Variants in CATSPERE observed in about 807,000 individuals in gnomAD.
The protein encoded by CATSPERE is catsper channel auxiliary subunit epsilon.
Under a neutral mutation model 114.1 loss-of-function variants are expected in CATSPERE, and 93 were observed. The ratio of observed to expected loss-of-function variants is 0.81; its 90% CI spans 0.69 to 0.97. The LOEUF is 0.97. CATSPERE is among the 50% of genes least tolerant of loss of function. The pLI, the probability that CATSPERE is intolerant of heterozygous loss-of-function variation, is 0.00. For synonymous variants in CATSPERE, 341 were observed against 384.1 expected (o/e 0.89, Z 1.31); for missense variants, 1,058 against 1,131.6 (o/e 0.93, Z 0.93).
At chr1:244,455,917 G>T (rs929766878) in intron 1 of CATSPERE, among the ~76,000 whole-genome samples, 2 of 152,194 alleles carry the variant, frequency 1.3e-5, no homozygotes, top group Admixed American at 6.5e-5. Flanking sequence ...AGTTTTAGGG[G>T]CATCAGAAAT....
At chr1:244,508,223 A>G (rs931540842) in intron 7 of CATSPERE, among the ~76,000 whole-genome samples, 4 of 149,978 alleles carry the variant, frequency 2.7e-5, no homozygotes, top group South Asian at 2.1e-4. Context: ...TTTTGTAACT[A>G]TTGTAAATGG....
chr1:244,541,436 G>A (rs1281314761), intron 8 of CATSPERE, among the ~76,000 whole-genome samples: 1 of 150,268 alleles, frequency 6.7e-6, no homozygotes. Context: ...TCAGAGAAAT[G>A]CAAATCAAAA....
chr1:244,630,057 C>T (rs1246302328), intron 20 of CATSPERE, among the ~76,000 whole-genome samples: 1 of 152,164 alleles, frequency 6.6e-6, no homozygotes, highest in Non-Finnish European at 1.5e-5. Context: ...TGAAAACAAA[C>T]TCCATGACAG....
At chr1:244,601,735 T>C (rs1669246574) in intron 17 of CATSPERE, among the ~76,000 whole-genome samples, 1 of 152,012 alleles carries the variant, frequency 6.6e-6, no homozygotes, top group Non-Finnish European at 1.5e-5. Flanking sequence ...GGCGGATCAC[T>C]TGAGGTCAGG....
At chr1:244,615,093 C>G (rs1179609145) in intron 19 of CATSPERE, among the ~76,000 whole-genome samples, 2 of 151,948 alleles carry the variant, frequency 1.3e-5, no homozygotes, top group Non-Finnish European at 2.9e-5. Context: ...CGCCACCACC[C>G]CAGCTATGTC....
chr1:244,459,837 A>G (rs1324103554), upstream of CATSPERE, among the ~76,000 whole-genome samples: 1 of 152,056 alleles, frequency 6.6e-6, no homozygotes, highest in African/African-American at 2.4e-5. Context: ...TTGCCATGCA[A>G]CTCTTGGAAA....
intron 14 of CATSPERE, among the ~76,000 whole-genome samples, chr1:244,589,380 TTGCATC>T (rs1465804445): frequency 6.6e-6 from 1 of 152,200 alleles, no homozygotes; most frequent in Admixed American, 6.5e-5. Flanking sequence ...AATTAAGTAT[TTGCATC>T]TCATTCAGCA....
intron 13 of CATSPERE, among the ~76,000 whole-genome samples, chr1:244,586,084 C>T (rs1466194419): frequency 6.6e-6 from 1 of 152,204 alleles, no homozygotes; most frequent in Non-Finnish European, 1.5e-5. Flanking sequence ...CGTCTCTGCA[C>T]TAAGGAGAAG....
At chr1:244,490,905 T>G (rs929609904) in intron 6 of CATSPERE, among the ~76,000 whole-genome samples, 1 of 152,176 alleles carries the variant, frequency 6.6e-6, no homozygotes, top group Admixed American at 6.6e-5. Flanking sequence ...TATCTTTAAA[T>G]GTTCTCAATT....
At chr1:244,612,208 A>G (rs1043139409) in intron 19 of CATSPERE, among the ~76,000 whole-genome samples, 6 of 152,184 alleles carry the variant, frequency 3.9e-5, no homozygotes, top group African/African-American at 1.4e-4. Context: ...AAGACTAGTT[A>G]TGTCCTCGTG....
chr1:244,600,702 C>CATCT, intron 17 of CATSPERE, among the ~76,000 whole-genome samples: 1 of 152,090 alleles, frequency 6.6e-6, no homozygotes, highest in South Asian at 2.1e-4. Flanking sequence ...AAGAATCGAT[C>CATCT]AAATCCAGAG....
chr1:244,625,424 A>ATTTTTTTTTTTT (rs1281579567), intron 20 of CATSPERE, among the ~76,000 whole-genome samples: 7 of 3,944 alleles, frequency 1.8e-3, no homozygotes, highest in East Asian at 0.01. Context: ...ATATATATAT[A>ATTTTTTTTTTTT]TATATATATT....
At chr1:244,517,284 A>T (rs1558411506) in intron 7 of CATSPERE, among the ~76,000 whole-genome samples, 1 of 151,828 alleles carries the variant, frequency 6.6e-6, no homozygotes, top group Non-Finnish European at 1.5e-5. Context: ...CAATCTTCTT[A>T]TATGTATTAT....
chr1:244,458,843 G>A (rs1395518241), upstream of CATSPERE, among the ~76,000 whole-genome samples: 1 of 152,180 alleles, frequency 6.6e-6, no homozygotes, highest in African/African-American at 2.4e-5. Flanking sequence ...CCAAGGCTTT[G>A]ACTGGAATGG....
chr1:244,550,392 G>C (rs139842258), intron 8 of CATSPERE, among the ~76,000 whole-genome samples: 2 of 152,102 alleles, frequency 1.3e-5, no homozygotes, highest in Non-Finnish European at 2.9e-5. Flanking sequence ...TCTGAAAAGC[G>C]TATAGTCACA....
intron 8 of CATSPERE, among the ~76,000 whole-genome samples, chr1:244,519,099 C>T (rs918801153): frequency 6.6e-6 from 1 of 152,150 alleles, no homozygotes; most frequent in African/African-American, 2.4e-5. Flanking sequence ...TAGGTTATCA[C>T]AAGGTATAGA....
chr1:244,480,020 TTC>T (rs1178131977), intron 5 of CATSPERE, among the ~76,000 whole-genome samples: 1 of 152,210 alleles, frequency 6.6e-6, no homozygotes, highest in African/African-American at 2.4e-5. Flanking sequence ...TATAAATTCT[TTC>T]TTAATTTTTA....
chr1:244,491,296 C>G (rs568325245), intron 6 of CATSPERE, among the ~76,000 whole-genome samples: 53 of 152,288 alleles, frequency 3.5e-4, no homozygotes, highest in African/African-American at 1.1e-3. Context: ...GAAACTCACT[C>G]AAAACCGCTA....
intron 5 of CATSPERE, among the ~76,000 whole-genome samples, chr1:244,487,472 G>T (rs1308885348): frequency 1.3e-5 from 2 of 152,130 alleles, no homozygotes; most frequent in African/African-American, 4.8e-5. Context: ...GGCCATGCTA[G>T]ATACCTGGAT....
Sources: gnomAD v4.1 joint callset for allele counts (sites outside exome capture counted in the v4.1 genomes callset) on GRCh38, gnomAD v4.1.1 for gene constraint, MANE v1.5 for transcripts, NCBI Gene and HGNC (gene_info 2026-07-23, HGNC 2026-07-21) for gene names.